The following OSBPL3 variants were observed in gnomAD, a reference collection of about 807,000 sequenced individuals.
OSBPL3 encodes oxysterol binding protein like 3.
A neutral mutation model predicts 120.1 loss-of-function variants in OSBPL3; 65 were observed. The ratio of observed to expected loss-of-function variants is 0.54; its 90% confidence interval spans 0.44 to 0.67. The LOEUF is 0.67. Among genes scored for constraint, OSBPL3 ranks in the 30% least tolerant of loss-of-function variants. The pLI is 0.00. For synonymous variants in OSBPL3, 416 were observed against 402.6 expected (o/e 1.03, Z -0.40); for missense variants, 1,004 against 1,082.1 (o/e 0.93, Z 1.01).
Position 24,932,355 on chromosome 7 carries a change from C to A in OSBPL3, c.-149-39734G>T, listed in dbSNP as rs1304452782. Among the ~76,000 whole-genome samples the A allele has an allele frequency of 6.6e-6, 1 of 152,102 alleles. No homozygotes were observed. The highest frequency in any genetic ancestry group is 6.6e-5 in the Admixed American group (1 of 15,252). ...CAGGGGTCTGAGATAGGTTAGAATGCAAGAGCAAGAGAACACCACCAACAC... is the reference window on the plus strand; with the variant it reads ...CAGGGGTCTGAGATAGGTTAGAATGAAAGAGCAAGAGAACACCACCAACAC... On this transcript the variant is annotated intron_variant, in intron 1 of 22. Transcript: ENST00000313367. This position sits in a 1 kb window ranked among gnomAD's most constrained non-coding sequence, Gnocchi z 5.6.
At chr7:24,809,474 C>T (rs1793491079) in intron 20 of OSBPL3, among the ~76,000 whole-genome samples, 1 of 152,188 alleles carries the variant, frequency 6.6e-6, no homozygotes, top group South Asian at 2.1e-4. Flanking sequence ...TGTAGAATGA[C>T]TTCTTGCATT....
chr7:24,814,963 G>T, intron 19 of OSBPL3, 96 bp downstream of exon 19: 2 of 1,199,292 alleles, frequency 1.7e-6, no homozygotes, highest in East Asian at 2.3e-5. Context: ...TGGCATAAAG[G>T]TGAAGGCGAA....
chr7:24,907,391 T>C (rs1286253089), intron 1 of OSBPL3, among the ~76,000 whole-genome samples: 1 of 152,226 alleles, frequency 6.6e-6, no homozygotes, highest in African/African-American at 2.4e-5. Flanking sequence ...TCTGAGTTGC[T>C]TCGTCATGTG....
At chr7:24,810,754 T>G (rs572493536) in intron 19 of OSBPL3, among the ~76,000 whole-genome samples, 1 of 152,344 alleles carries the variant, frequency 6.6e-6, no homozygotes, top group South Asian at 2.1e-4. Flanking sequence ...AGATCAACTC[T>G]TTTAGATTCC....
In OSBPL3 at chr7:24,940,996, T is replaced by C. The variant is rs1813035959; in HGVS notation, c.-150+38890A>G. Among the ~76,000 whole-genome samples the C allele has an allele frequency of 6.6e-6, 1 of 152,062 alleles. No individual in the cohort carries two copies. The highest frequency in any genetic ancestry group is 6.5e-5 in the Admixed American group (1 of 15,286). On this transcript the variant is annotated intron_variant, in intron 1 of 22. Transcript: ENST00000313367. This position sits in a 1 kb window ranked among gnomAD's most constrained non-coding sequence, Gnocchi z 4.4. ...CACTGCGTCCAGCTAATTTTTTGTATTTTTAGTAGAGACGGGGTTTCACCA... is the reference window on the plus strand; with the variant it reads ...CACTGCGTCCAGCTAATTTTTTGTACTTTTAGTAGAGACGGGGTTTCACCA...
At chr7:24,866,313 C>T (rs1045042136) in intron 5 of OSBPL3, 76 bp from the exon 6 acceptor site, 4 of 1,091,364 alleles carry the variant, frequency 3.7e-6, no homozygotes, top group African/African-American at 1.6e-5. Context: ...CAAATTGAGG[C>T]CACTCTCAAA....
intron 20 of OSBPL3, among the ~76,000 whole-genome samples, 199 bp from the exon 21 acceptor site, chr7:24,807,101 A>G (rs989854891): frequency 6.6e-6 from 1 of 152,182 alleles, no homozygotes; most frequent in Non-Finnish European, 1.5e-5. Context: ...TCTTCTGCCT[A>G]CAGGGATGTG....
At position 24,967,489 on chromosome 7, in the gene OSBPL3, C is replaced by G. The variant is rs1346890295; in HGVS notation, c.-150+12397G>C. Among the ~76,000 whole-genome samples, 1 of 152,140 alleles carries G rather than the reference C, an allele frequency of 6.6e-6. No individual in the cohort carries two copies. The highest frequency in any genetic ancestry group is 2.4e-5 in the African/African-American group (1 of 41,418). The stretch of plus-strand genomic sequence containing the variant: ...TCTCCTGGTTTATTCTTTGACATTA[C>G]CCTCCCCAACTCAACGGTTATCATG... On this transcript the variant is annotated intron_variant, in intron 1 of 22. Transcript: ENST00000313367. The surrounding 1 kb of genome is among the most constrained non-coding windows in gnomAD (Gnocchi z 5.6).
In OSBPL3 at chr7:24,804,181, A is replaced by AC; in HGVS notation, c.2567+133dup. On this transcript the variant is annotated intron_variant, in intron 22 of 22. Coordinates refer to ENST00000313367, the MANE Select transcript of OSBPL3 (RefSeq NM_015550.4). This position sits in a 1 kb window ranked among gnomAD's most constrained non-coding sequence, Gnocchi z 5.4. ...ACAGGGCCTGGCACAGAGGAGCAGTACCCCCACGTGGAAGCAGGAAAAGCC... is the reference window on the plus strand; with the variant it reads ...ACAGGGCCTGGCACAGAGGAGCAGTACCCCCCACGTGGAAGCAGGAAAAGCC... The AC allele has an allele frequency of 1.0e-6, 1 of 1,001,672 alleles. No homozygotes were observed. Among genetic ancestry groups the AC allele is most frequent in the Non-Finnish European group, 1.5e-6 (1 of 660,246 alleles). 62.0% of individuals were successfully genotyped at this position (1,001,672 alleles called of 1,614,324 possible). A position where few individuals can be genotyped will look rare whatever the true frequency, so the allele number is the denominator to read the frequency against.
Position 24,862,917 on chromosome 7 carries a change from G to A in OSBPL3, c.870+283C>T, listed in dbSNP as rs1800778899. 6.6e-6 allele frequency among the ~76,000 whole-genome samples: 1 copy of A among 152,150 alleles called. No homozygotes were observed. Among genetic ancestry groups the A allele is most frequent in the African/African-American group, 2.4e-5 (1 of 41,432 alleles). On this transcript the variant is annotated intron_variant, in intron 9 of 22. Transcript: ENST00000313367. The surrounding 1 kb of genome is among the most constrained non-coding windows in gnomAD (Gnocchi z 4.4). ...AGCACAGGCAGGCTCAACAGTGAAG[G>A]TGGGGAAACCAAAAGCCCTAGAAAT...
Position 24,955,309 on chromosome 7 carries a change from G to A in OSBPL3, c.-150+24577C>T, listed in dbSNP as rs1018567399. On this transcript the variant is annotated intron_variant, in intron 1 of 22. Transcript: ENST00000313367. The surrounding 1 kb of genome is among the most constrained non-coding windows in gnomAD (Gnocchi z 4.3). ...CAAACTTTTCCCATAATGAGTTTGG[G>A]GGCTACCATGTCATTTAGCAATTAA... 1.3e-4 allele frequency among the ~76,000 whole-genome samples: 20 copies of A among 152,142 alleles called. No homozygotes were observed. Among genetic ancestry groups the A allele is most frequent in the African/African-American group, 4.6e-4 (19 of 41,418 alleles).
At chr7:24,954,400 T>C (rs1446710166) in intron 1 of OSBPL3, among the ~76,000 whole-genome samples, 1 of 152,224 alleles carries the variant, frequency 6.6e-6, no homozygotes, top group African/African-American at 2.4e-5. Context: ...AAGAATGTTG[T>C]TATAGCTACT....
At chr7:24,929,486 C>A (rs1248370260) in intron 1 of OSBPL3, among the ~76,000 whole-genome samples, 1 of 152,128 alleles carries the variant, frequency 6.6e-6, no homozygotes, top group Admixed American at 6.5e-5. Context: ...AAAAATATCG[C>A]AGTACTTTCA....
rs1041365482 is a variant in OSBPL3, at chr7:24,822,302, T to A, written c.1885-2064A>T. 5.3e-5 allele frequency among the ~76,000 whole-genome samples: 8 copies of A among 152,136 alleles called. No individual in the cohort carries two copies. The highest frequency in any genetic ancestry group is 5.2e-4 in the Admixed American group (8 of 15,272). On this transcript the variant is annotated intron_variant, in intron 16 of 22. Coordinates refer to ENST00000313367, the MANE Select transcript of OSBPL3 (RefSeq NM_015550.4). This position sits in a 1 kb window ranked among gnomAD's most constrained non-coding sequence, Gnocchi z 5.8. Reference sequence around the variant, plus strand: ...CTAGCTTTGAAACCATGGGATCATATAAAACAAAATCAAGGTGCAGTGGCA... The same window carrying A: ...CTAGCTTTGAAACCATGGGATCATAAAAAACAAAATCAAGGTGCAGTGGCA...
At position 24,946,918 on chromosome 7, in the gene OSBPL3, C is replaced by T. The variant is rs570166250; in HGVS notation, c.-150+32968G>A. 2.5e-3 allele frequency among the ~76,000 whole-genome samples: 382 copies of T among 152,318 alleles called. 1 individual carries two copies. The highest frequency in any genetic ancestry group is 4.4e-3 in the Non-Finnish European group (296 of 68,030). ...AACTCTTTTTCTTTCCCACAACACT[C>T]ATCAGGAATCCAATAAAGGTTTGCT... On this transcript the variant is annotated intron_variant, in intron 1 of 22. Coordinates refer to ENST00000313367, the MANE Select transcript of OSBPL3 (RefSeq NM_015550.4). This position sits in a 1 kb window ranked among gnomAD's most constrained non-coding sequence, Gnocchi z 4.3.
chr7:24,834,150 T>C lies in OSBPL3; in HGVS notation c.1746+336A>G, dbSNP rs900324609. On this transcript the variant is annotated intron_variant, in intron 15 of 22. Transcript: ENST00000313367. This position sits in a 1 kb window ranked among gnomAD's most constrained non-coding sequence, Gnocchi z 5.2. ...CCACCCAGGGAAGTAAAAATAAACATGCAGACAGCCCTAAAGACATGTTTT... is the reference window on the plus strand; with the variant it reads ...CCACCCAGGGAAGTAAAAATAAACACGCAGACAGCCCTAAAGACATGTTTT... 1.1e-5 allele frequency: 11 copies of C among 1,029,394 alleles called. No homozygotes were observed. In the African/African-American group the frequency reaches 1.9e-4, roughly 18 times the overall value. The allele number at this position is 1,029,394 out of a possible 1,614,324, so 63.8% of individuals were successfully genotyped here.
chr7:24,845,176 C>G (rs11973600), intron 12 of OSBPL3, among the ~76,000 whole-genome samples: 2 of 151,652 alleles, frequency 1.3e-5, no homozygotes, highest in Non-Finnish European at 2.9e-5. Context: ...TCTGTTTTTT[C>G]TACATTAAGG....
rs1812550114 is a variant in OSBPL3 at position 24,937,356 on chromosome 7, C to T, written c.-150+42530G>A. ...GGGTGGGAACACAGCCAAACCATAT[C>T]AGTAAATTTTTATTTCAATTGTTTA... On this transcript the variant is annotated intron_variant, in intron 1 of 22. Coordinates refer to ENST00000313367, the MANE Select transcript of OSBPL3 (RefSeq NM_015550.4). This position sits in a 1 kb window ranked among gnomAD's most constrained non-coding sequence, Gnocchi z 4.0. Among the ~76,000 whole-genome samples, 4 of 152,202 alleles carry T rather than the reference C, an allele frequency of 2.6e-5. No individual in the cohort carries two copies. The South Asian group carries it at 8.3e-4, about 32-fold the overall frequency.
intron 17 of OSBPL3, 144 bp from the exon 18 acceptor site, chr7:24,816,832 A>C (rs1053153374): frequency 1.1e-5 from 7 of 638,882 alleles, no homozygotes; most frequent in Non-Finnish European, 2.0e-5. Context: ...CTTTTCATAA[A>C]ATATAAGTAC....
Sources: gnomAD v4.1 joint callset for allele counts (sites outside exome capture counted in the v4.1 genomes callset) on GRCh38, gnomAD v4.1.1 for gene constraint, Gnocchi (gnomAD v3.1) non-coding constraint, MANE v1.5 for transcripts, NCBI Gene and HGNC (gene_info 2026-07-23, HGNC 2026-07-21) for gene names.